The following CIMIP6 variants were observed in gnomAD, a reference collection of about 807,000 sequenced individuals.
CIMIP6 encodes the protein uncharacterized protein C2orf73.
the CIMIP6 span, among the ~76,000 whole-genome samples, chr2:54,347,313 G>A: frequency 6.6e-6 from 1 of 152,142 alleles, no homozygotes; most frequent in South Asian, 2.1e-4. Context: ...TTCATTCTGT[G>A]TGAAAGAAAT....
At chr2:54,365,216 A>C in the CIMIP6 span, among the ~76,000 whole-genome samples, 1 of 152,222 alleles carries the variant, frequency 6.6e-6, no homozygotes. Context: ...AGCTATGCAC[A>C]GGAGTGGGGT....
At chr2:54,383,374 A>G in the CIMIP6 span, 1 of 152,236 alleles carries the variant, frequency 6.6e-6, no homozygotes, top group Admixed American at 6.5e-5. Context: ...ACAGATTAAT[A>G]AGCAGCTTAT....
At chr2:54,374,570 A>T in the CIMIP6 span, among the ~76,000 whole-genome samples, 1 of 152,246 alleles carries the variant, frequency 6.6e-6, no homozygotes, top group Non-Finnish European at 1.5e-5. Context: ...ACTCCATTTA[A>T]AGAACTTAAA....
At chr2:54,366,142 T>C in the CIMIP6 span, among the ~76,000 whole-genome samples, 1 of 152,190 alleles carries the variant, frequency 6.6e-6, no homozygotes, top group South Asian at 2.1e-4. Flanking sequence ...TTTCCCAGCT[T>C]CCCTTGTAGC....
At chr2:54,333,401 G>A in the CIMIP6 span, among the ~76,000 whole-genome samples, 1 of 152,138 alleles carries the variant, frequency 6.6e-6, no homozygotes, top group Non-Finnish European at 1.5e-5. Context: ...CAGGCAGAGC[G>A]AACAGCATGT....
chr2:54,359,109 G>A, the CIMIP6 span: 1 of 1,164,466 alleles, frequency 8.6e-7, no homozygotes, highest in Non-Finnish European at 1.2e-6. Context: ...AATACTTTAA[G>A]ACAGAGTAGA....
chr2:54,383,614 G>A, the CIMIP6 span: 6 of 151,212 alleles, frequency 4.0e-5, no homozygotes, highest in South Asian at 4.2e-4. Flanking sequence ...ATATACTCTC[G>A]TTTTTACTTC....
chr2:54,371,328 G>A, the CIMIP6 span, among the ~76,000 whole-genome samples: 4 of 152,166 alleles, frequency 2.6e-5, no homozygotes, highest in Non-Finnish European at 5.9e-5. Context: ...CCACCACTGG[G>A]GCTGACACCC....
At chr2:54,334,785 G>A in the CIMIP6 span, 11 of 1,380,934 alleles carry the variant, frequency 8.0e-6, no homozygotes, top group African/African-American at 1.2e-4. Context: ...AATGGTTACT[G>A]GGGTAAATGG....
chr2:54,360,371 C>A, the CIMIP6 span: 246 of 1,609,924 alleles, frequency 1.5e-4, no homozygotes, highest in Non-Finnish European at 2.0e-4. Flanking sequence ...AGGTCTCTGC[C>A]AACAAAATTC....
chr2:54,353,772 C>T, the CIMIP6 span, among the ~76,000 whole-genome samples: 2 of 152,046 alleles, frequency 1.3e-5, no homozygotes, highest in East Asian at 3.9e-4. Context: ...ATGTTCTGTC[C>T]CATTAGTTCC....
At chr2:54,375,885 G>GGGGTGTGTGT in the CIMIP6 span, among the ~76,000 whole-genome samples, 1 of 150,132 alleles carries the variant, frequency 6.7e-6, no homozygotes, top group Non-Finnish European at 1.5e-5. Context: ...TCATATAGGG[G>GGGGTGTGTGT]GTGTGTGTGT....
At chr2:54,374,709 C>A in the CIMIP6 span, among the ~76,000 whole-genome samples, 133 of 152,078 alleles carry the variant, frequency 8.7e-4, 4 homozygotes, top group East Asian at 0.021. Flanking sequence ...TAACAGATTT[C>A]TAATTCTCTT....
chr2:54,352,100 A>C, the CIMIP6 span, among the ~76,000 whole-genome samples: 18 of 152,304 alleles, frequency 1.2e-4, no homozygotes, highest in South Asian at 3.5e-3. Flanking sequence ...AATTGTCAGC[A>C]CAACACTAGT....
chr2:54,332,264 A>G, the CIMIP6 span, among the ~76,000 whole-genome samples: 1 of 151,316 alleles, frequency 6.6e-6, no homozygotes, highest in African/African-American at 2.4e-5. Context: ...ACATACATAC[A>G]CTCCCTTTTC....
At chr2:54,334,819 A>G in the CIMIP6 span, 1 of 1,533,912 alleles carries the variant, frequency 6.5e-7, no homozygotes, top group Non-Finnish European at 8.8e-7. Flanking sequence ...TTTTTCAGAC[A>G]GCATAAAATA....
At chr2:54,345,515 T>G in the CIMIP6 span, among the ~76,000 whole-genome samples, 1 of 152,188 alleles carries the variant, frequency 6.6e-6, no homozygotes, top group Non-Finnish European at 1.5e-5. Flanking sequence ...TTTTCTTGCA[T>G]CTGCTGTTTT....
the CIMIP6 span, chr2:54,343,951 G>A: frequency 2.2e-5 from 27 of 1,231,584 alleles, no homozygotes; most frequent in East Asian, 2.1e-4. Context: ...TTAGATGTCC[G>A]GACAGCTCCT....
the CIMIP6 span, among the ~76,000 whole-genome samples, chr2:54,349,911 G>A: frequency 6.6e-6 from 1 of 150,950 alleles, no homozygotes; most frequent in Admixed American, 6.6e-5. Flanking sequence ...GGCAAGTGGC[G>A]TGATCTCGGC....
Sources: gnomAD v4.1 joint callset for allele counts (sites outside exome capture counted in the v4.1 genomes callset) on GRCh38, gnomAD v4.1.1 for gene constraint, MANE v1.5 for transcripts, NCBI Gene and HGNC (gene_info 2026-07-23, HGNC 2026-07-21) for gene names.